FCN3: variants seen among roughly 807,000 people sequenced by gnomAD.
FCN3 encodes the protein ficolin-3.
A neutral mutation model predicts 31.5 loss-of-function variants in FCN3; 28 were observed. The ratio of observed to expected loss-of-function variants is 0.89; its 90% CI spans 0.66 to 1.22. The LOEUF (loss-of-function observed/expected upper bound fraction) is 1.22, where lower values mean the gene tolerates loss of function less well. Among genes scored for constraint, FCN3 ranks in the 50% most tolerant of loss-of-function variants. FCN3 has a pLI of 0.00. For synonymous variants in FCN3, 124 were observed against 147.4 expected, an observed-to-expected ratio of 0.84 and a Z score of 1.15; for missense variants, 351 against 386.8, an observed-to-expected ratio of 0.91 and a Z score of 0.78.
At chr1:27,372,873 G>A (rs1298369334) in intron 5 of FCN3, among the ~76,000 whole-genome samples, 2 of 147,218 alleles carry the variant, frequency 1.4e-5, no homozygotes, top group South Asian at 2.1e-4. Context: ...CACCTCCTGG[G>A]TTCAGGCAAT....
At position 27,370,676 on chromosome 1, in the gene FCN3, G is replaced by C; in HGVS notation, c.578C>G (p.Ala193Gly). 6.2e-7 allele frequency: 1 copy of C among 1,614,248 alleles called. No individual in the cohort carries two copies. Among genetic ancestry groups the C allele is most frequent in the Middle Eastern group, 1.6e-4 (1 of 6,062 alleles). The part of the protein sequence containing the change: ...LEDFNGNRTF[A>G]HYATFRLLGE... Reference sequence around the variant, plus strand: ...GAGGAGGCGGAAGGTCGCATAGTGGGCGAAAGTACGGTTACCATTAAAGTC... The same window carrying C: ...GAGGAGGCGGAAGGTCGCATAGTGGCCGAAAGTACGGTTACCATTAAAGTC... The change falls in exon 7 of 8, where the codon GCC becomes GGC. Residue 193 changes from alanine (A) to glycine (G), a missense_variant. Transcript: ENST00000270879.
chr1:27,374,432 G>A lies in FCN3; in HGVS notation c.111C>T (p.Ala37=). ...AACTGGGCAGGAGGACAACTTTGCT[G>A]GCTTCCAGTTCCCTGGGTCCTACAG... ...PSCPGPRELE[A]SKVVLLPSCP... is the part of the protein sequence containing the mutation. Residue 37 remains alanine (A), a synonymous_variant, in exon 2 of 8, where the codon GCC becomes GCT. Coordinates refer to ENST00000270879, the MANE Select transcript of FCN3 (RefSeq NM_003665.4). 1 of 1,613,740 alleles carries A rather than the reference G, an allele frequency of 6.2e-7. No individual in the cohort carries two copies. The highest frequency in any genetic ancestry group is 8.5e-7 in the Non-Finnish European group (1 of 1,179,798).
At chr1:27,369,988 G>A (rs1365855850) in intron 7 of FCN3, among the ~76,000 whole-genome samples, 1 of 148,062 alleles carries the variant, frequency 6.8e-6, no homozygotes, top group Non-Finnish European at 1.5e-5. Flanking sequence ...CTTCCTCCTT[G>A]CCTCCCTGCG....
intron 4 of FCN3, 52 bp from the exon 5 acceptor site, chr1:27,373,315 C>A: frequency 1.2e-6 from 2 of 1,609,840 alleles, no homozygotes; most frequent in South Asian, 1.1e-5. Context: ...CCCTGACCCC[C>A]ACCCCCAGGC....
intron 5 of FCN3, 68 bp from the exon 6 acceptor site, chr1:27,371,040 G>A (rs1304871633): frequency 3.3e-6 from 5 of 1,528,418 alleles, no homozygotes; most frequent in Non-Finnish European, 3.6e-6. Flanking sequence ...TGCAGGAACT[G>A]TGAGGGGTGG....
intron 1 of FCN3, 51 bp from the exon 2 acceptor site, chr1:27,374,502 A>G (rs772470237): frequency 2.4e-6 from 3 of 1,224,824 alleles, no homozygotes; most frequent in African/African-American, 1.5e-5. Flanking sequence ...TCTCTTCCAG[A>G]CCCCTCTTCA....
At chr1:27,371,847 C>T (rs941945391) in intron 5 of FCN3, among the ~76,000 whole-genome samples, 3 of 150,616 alleles carry the variant, frequency 2.0e-5, no homozygotes, top group African/African-American at 7.3e-5. Context: ...GCAACCTCTG[C>T]CTCCCTGGTT....
rs748003132 is a variant in FCN3, at chr1:27,373,216, C to T, written c.313G>A (p.Gly105Ser). The part of the protein sequence containing the change: ...ELLSQGATLS[G>S]WYHLCLPEGR... ...TCAGGTAGGCACAGATGGTACCAGC[C>T]GCTCAAGGTGGCGCCCTGGCTCAAC... Residue 105 changes from glycine to serine, a missense_variant, in exon 5 of 8, where the codon GGC (glycine) becomes AGC (serine). Physicochemically the swap from Gly to Ser is moderately conservative, Grantham distance 56. Transcript: ENST00000270879. 7.4e-6 allele frequency: 12 copies of T among 1,614,070 alleles called. No individual in the cohort carries two copies. The South Asian group carries it at 9.9e-5, about 13-fold the overall frequency.
At chr1:27,373,310 A>T in intron 4 of FCN3, 47 bp from the exon 5 acceptor site, 2 of 1,609,904 alleles carry the variant, frequency 1.2e-6, no homozygotes, top group Non-Finnish European at 1.7e-6. Flanking sequence ...TTATTCCCTG[A>T]CCCCCACCCC....
At position 27,369,173 on chromosome 1, in the gene FCN3, G is replaced by T; in HGVS notation, c.*63C>A. 1 of 1,590,904 alleles carries T rather than the reference G, an allele frequency of 6.3e-7. No homozygotes were observed. The highest frequency in any genetic ancestry group is 8.6e-7 in the Non-Finnish European group (1 of 1,162,096). On this transcript the variant is annotated 3_prime_UTR_variant, in exon 8 of 8. Coordinates refer to ENST00000270879, the MANE Select transcript of FCN3 (RefSeq NM_003665.4). ...AGGCAAGCAGAGGTGGTTGGCAAAG[G>T]CAAGGTGGCTGACGATCCGGAAGCT...
chr1:27,373,455 C>T, intron 4 of FCN3, 33 bp downstream of exon 4: 2 of 1,613,600 alleles, frequency 1.2e-6, no homozygotes, highest in East Asian at 2.2e-5. Flanking sequence ...CCATGTGATC[C>T]CAAGTTCCTG....
At chr1:27,370,537 A>G (rs947535476) in intron 7 of FCN3, 59 bp downstream of exon 7, 16 of 1,460,986 alleles carry the variant, frequency 1.1e-5, no homozygotes, top group African/African-American at 1.4e-5. Flanking sequence ...TCATGGGGGC[A>G]GTGGCAGCAC....
intron 7 of FCN3, 23 bp from the exon 8 acceptor site, chr1:27,369,500 C>T: frequency 1.2e-6 from 2 of 1,610,420 alleles, no homozygotes; most frequent in South Asian, 2.2e-5. Context: ...GGATGGAAAG[C>T]ACCTTGGTGC....
chr1:27,369,473 A>G lies in FCN3; in HGVS notation c.663T>C (p.Asp221=). The G allele has an allele frequency of 6.2e-7, 1 of 1,613,732 alleles. No homozygotes were observed. Among genetic ancestry groups the G allele is most frequent in the Non-Finnish European group, 8.5e-7 (1 of 1,179,640 alleles). ...GCCTCCCACTGTGGAGGCTCAGGGA[A>G]TCCCCTAGCAGGGAAGGGATGGAAA... ...LGKFSEGTAG[D]SLSLHSGRPF... Residue 221 remains aspartate, a synonymous_variant, in exon 8 of 8, where the codon GAT becomes GAC. Transcript: ENST00000270879.
chr1:27,373,702 A>T (rs28385722), intron 3 of FCN3, 182 bp from the exon 4 acceptor site: 6 of 695,970 alleles, frequency 8.6e-6, no homozygotes, highest in Middle Eastern at 4.0e-4. Context: ...CACTCCTCCC[A>T]GCCTTCCAAA....
In FCN3 at chr1:27,374,767, GC is replaced by G. The variant is rs765301683; in HGVS notation, c.51del (p.Pro18LeufsTer4). 2.9e-6 allele frequency: 4 copies of G among 1,386,498 alleles called. No homozygotes were observed. Among genetic ancestry groups the G allele is most frequent in the Non-Finnish European group, 3.8e-6 (4 of 1,064,636 alleles). 85.9% of individuals were successfully genotyped at this position (1,386,498 alleles called of 1,614,324 possible). A position where few individuals can be genotyped will look rare whatever the true frequency, so the allele number is the denominator to read the frequency against. ...TGTTCCTGGGTCTTCAGGCAGGCAG[GC>G]CCCCCAAGCAGGAGAAGCCACAGGG... ...LPSLWLLLLGGPACLKTQEHP... is the reference protein window; with the variant it reads ...LPSLWLLLLGXPACLKTQEHP... On this transcript the variant is annotated frameshift_variant, in exon 1 of 8. Coordinates refer to ENST00000270879, the MANE Select transcript of FCN3 (RefSeq NM_003665.4). LOFTEE classifies it high-confidence loss of function.
intron 5 of FCN3, among the ~76,000 whole-genome samples, chr1:27,372,521 T>C (rs11247642): frequency 0.8 from 121,189 of 152,166 alleles, 48,444 homozygotes; most frequent in East Asian, 0.9. Flanking sequence ...GTGCTGGGAT[T>C]ATAGGCGTGA....
chr1:27,371,982 A>G lies in FCN3; in HGVS notation c.394-1010T>C, dbSNP rs1014255706. On this transcript the variant is annotated intron_variant, in intron 5 of 7. Coordinates refer to ENST00000270879, the MANE Select transcript of FCN3 (RefSeq NM_003665.4). ...TGCCATGTTGCCCAGGCTGGTCTTG[A>G]ACTCCTGAGCTCAGGCAATCCACCC... 7.2e-5 allele frequency among the ~76,000 whole-genome samples: 11 copies of G among 151,822 alleles called. No homozygotes were observed. The East Asian group carries it at 2.1e-3, about 29-fold the overall frequency.
At position 27,373,115 on chromosome 1, in the gene FCN3, GC is replaced by G. The variant is rs765477901; in HGVS notation, c.393+20del. On this transcript the variant is annotated intron_variant, in intron 5 of 7. Coordinates refer to ENST00000270879, the MANE Select transcript of FCN3 (RefSeq NM_003665.4). ...AGTGACCAGTGGGCCTGGCCTGTTAGCCCATTTCTCAGACACTCACCAGCCA... is the reference window on the plus strand; with the variant it reads ...AGTGACCAGTGGGCCTGGCCTGTTAGCCATTTCTCAGACACTCACCAGCCA... 2 of 1,612,450 alleles carry G rather than the reference GC, an allele frequency of 1.2e-6. No homozygotes were observed. The highest frequency in any genetic ancestry group is 1.3e-5 in the African/African-American group (1 of 75,030).
Sources: gnomAD v4.1 joint callset for allele counts (sites outside exome capture counted in the v4.1 genomes callset) on GRCh38, gnomAD v4.1.1 for gene constraint, MANE v1.5 for transcripts, NCBI Gene and HGNC (gene_info 2026-07-23, HGNC 2026-07-21) for gene names.